The following GABRR3 variants were observed in gnomAD, a reference collection of about 807,000 sequenced individuals.
The protein encoded by GABRR3 is gamma-aminobutyric acid receptor subunit rho-3.
A neutral mutation model predicts 43.2 loss-of-function variants in GABRR3; 29 were observed. The observed-to-expected ratio is 0.67, with a 90% CI of 0.50 to 0.92. GABRR3 has a LOEUF of 0.92. Ranked by LOEUF, GABRR3 falls within the 40% of genes least tolerant of loss-of-function variation. The probability of loss-of-function intolerance (pLI) is 0.00; values close to 1 mark genes in which losing one functional copy is unlikely to be tolerated. For missense variants in GABRR3, 576 were observed against 572.3 expected (o/e 1.01, Z -0.07); for synonymous variants, 206 against 195.9 (o/e 1.05, Z -0.43).
intron 8 of GABRR3, among the ~76,000 whole-genome samples, chr3:97,995,551 C>T (rs1040636856): frequency 6.6e-6 from 1 of 151,368 alleles, no homozygotes; most frequent in Non-Finnish European, 1.5e-5. Context: ...TTGACAATAG[C>T]CTTATTTATT....
In GABRR3 at chr3:98,023,411, C is replaced by T. The variant is rs1456255282; in HGVS notation, c.238+2156G>A. ...CCAGTTTCAAGCCATTCCTGTGTGACTGGCGCCCCCTGGTGGCCGAAAACC... is the reference window on the plus strand; with the variant it reads ...CCAGTTTCAAGCCATTCCTGTGTGATTGGCGCCCCCTGGTGGCCGAAAACC... On this transcript the variant is annotated intron_variant, in intron 3 of 9. Transcript: ENST00000621172. Among the ~76,000 whole-genome samples, 3 of 152,280 alleles carry T rather than the reference C, an allele frequency of 2.0e-5. No individual in the cohort carries two copies. In the East Asian group the frequency reaches 5.8e-4, roughly 29 times the overall value.
At chr3:98,001,180 G>A (rs1209278719) in intron 8 of GABRR3, 1 of 154,318 alleles carries the variant, frequency 6.5e-6, no homozygotes, top group East Asian at 1.9e-4. Context: ...AACCCACCAA[G>A]GTAATTTGTT....
In GABRR3 at chr3:98,027,616, T is replaced by C. The variant is rs553537148; in HGVS notation, c.126-1937A>G. On this transcript the variant is annotated intron_variant, in intron 2 of 9. Transcript: ENST00000621172. ...GAAAGCACCTGCACCTGTTCTAACT[T>C]GAGGGCTCTTCAGGTGCACAATGAG... is the stretch of plus-strand genomic sequence containing the variant. Among the ~76,000 whole-genome samples the C allele has an allele frequency of 1.9e-4, 29 of 152,394 alleles. No homozygotes were observed. In the South Asian group the frequency reaches 6.0e-3, roughly 32 times the overall value.
At chr3:97,999,356 G>A (rs1334766227) in intron 8 of GABRR3, 1 of 152,142 alleles carries the variant, frequency 6.6e-6, no homozygotes, top group Non-Finnish European at 1.5e-5. Flanking sequence ...CTACAGGTCT[G>A]TTGGCACATG....
At chr3:98,016,537 C>T (rs1706875354) in intron 4 of GABRR3, among the ~76,000 whole-genome samples, 1 of 152,100 alleles carries the variant, frequency 6.6e-6, no homozygotes, top group Non-Finnish European at 1.5e-5. Context: ...TTATAAACTG[C>T]CCAGCCTCAG....
intron 2 of GABRR3, among the ~76,000 whole-genome samples, chr3:98,032,722 G>C (rs1001900658): frequency 5.3e-5 from 8 of 152,086 alleles, no homozygotes; most frequent in African/African-American, 1.9e-4. Flanking sequence ...TATTCTGAAT[G>C]AAAACAACTA....
At chr3:98,011,451 A>T (rs749630703) in intron 5 of GABRR3, among the ~76,000 whole-genome samples, 1 of 152,168 alleles carries the variant, frequency 6.6e-6, no homozygotes, top group Non-Finnish European at 1.5e-5. Context: ...ACATTCCTTG[A>T]CTTATGACCA....
chr3:98,034,046 G>A (rs1559783420), intron 2 of GABRR3, among the ~76,000 whole-genome samples: 1 of 152,260 alleles, frequency 6.6e-6, no homozygotes, highest in Middle Eastern at 3.4e-3. Flanking sequence ...CCCATTGGCT[G>A]CCAGTGTTGA....
intron 4 of GABRR3, among the ~76,000 whole-genome samples, chr3:98,014,086 A>G (rs1268815403): frequency 6.6e-6 from 1 of 152,166 alleles, no homozygotes; most frequent in Non-Finnish European, 1.5e-5. Context: ...CAACAAAAAA[A>G]CCAACACTAG....
intron 4 of GABRR3, among the ~76,000 whole-genome samples, chr3:98,016,019 T>G (rs931888743): frequency 6.6e-6 from 1 of 152,138 alleles, no homozygotes; most frequent in Non-Finnish European, 1.5e-5. Context: ...AAGCACCTTC[T>G]TCACAGGGCA....
At chr3:97,986,567 G>T (rs1399637811), downstream of GABRR3, 10 of 675,760 alleles carry the variant, frequency 1.5e-5, no homozygotes, top group Non-Finnish European at 2.2e-5. Context: ...TTTCATTAGG[G>T]CAGGAGAGGT....
At chr3:98,013,521 C>T (rs1218240642) in intron 4 of GABRR3, among the ~76,000 whole-genome samples, 1 of 152,128 alleles carries the variant, frequency 6.6e-6, no homozygotes, top group East Asian at 1.9e-4. Flanking sequence ...TTGCTTACTT[C>T]TTACTATCTT....
chr3:98,014,843 C>A (rs1217613222), intron 4 of GABRR3, among the ~76,000 whole-genome samples: 4 of 152,106 alleles, frequency 2.6e-5, no homozygotes, highest in South Asian at 2.1e-4. Context: ...CAACAGATCC[C>A]TGTTTGTTCA....
In GABRR3 at chr3:97,992,836, C is replaced by A. The variant is rs758744924; in HGVS notation, c.1104+16G>T. The A allele has an allele frequency of 2.5e-6, 4 of 1,573,540 alleles. No individual in the cohort carries two copies. Among genetic ancestry groups the A allele is most frequent in the South Asian group, 1.2e-5 (1 of 82,064 alleles). On this transcript the variant is annotated intron_variant, in intron 9 of 9. Transcript: ENST00000621172. ...CACATTCCCCAAGGGATCTGATAGT[C>A]AGAGCAAGGCTGTACCTTTCCTGTC...
At chr3:97,996,202 A>G (rs1198631093) in intron 8 of GABRR3, among the ~76,000 whole-genome samples, 2 of 152,096 alleles carry the variant, frequency 1.3e-5, no homozygotes, top group East Asian at 3.9e-4. Context: ...GTTCTTTTGA[A>G]GGGAGGGGGT....
Position 98,007,880 on chromosome 3 carries a change from A to G in GABRR3, c.638T>C (p.Met213Thr), listed in dbSNP as rs190574396. The G allele has an allele frequency of 5.3e-5, 84 of 1,591,374 alleles. 1 individual carries two copies. In the East Asian group the frequency reaches 1.6e-3, roughly 31 times the overall value. Residue 213 changes from methionine (M) to threonine (T), a missense_variant, in exon 7 of 10, where the codon ATG (methionine) becomes ACG (threonine). Met to Thr is a moderately conservative substitution (Grantham distance 81). Coordinates refer to ENST00000621172, the Ensembl canonical transcript of GABRR3. ...CTTGTTTCCGTGTTTCCAGTATAGC[A>G]TTAGGTCATCCTCATTGTAGGCATC...
intron 8 of GABRR3, chr3:97,997,868 G>A (rs1255101445): frequency 6.6e-6 from 1 of 152,098 alleles, no homozygotes; most frequent in Non-Finnish European, 1.5e-5. Context: ...TATTGAGAAA[G>A]TTTCAACATT....
chr3:97,992,904 A>C, exon 9 of GABRR3: 1 of 1,613,440 alleles, frequency 6.2e-7, no homozygotes, highest in Non-Finnish European at 8.5e-7. Flanking sequence ...GAGGTAGTTC[A>C]CAGCTGCATA....
In GABRR3 at chr3:98,020,240, A is replaced by C. The variant is rs62263060; in HGVS notation, c.239-2518T>G. Among the ~76,000 whole-genome samples, 791 of 152,304 alleles carry C rather than the reference A, an allele frequency of 5.2e-3. 3 individuals are homozygous for C. Among genetic ancestry groups the C allele is most frequent in the Admixed American group, 0.011 (174 of 15,294 alleles). On this transcript the variant is annotated intron_variant, in intron 3 of 9. Coordinates refer to ENST00000621172, the Ensembl canonical transcript of GABRR3. ...GAGAGTAAGTAATGTCTCTAAGCTC[A>C]GTTTACCTGATTTATAAAATTTGTC...
Sources: gnomAD v4.1 joint callset for allele counts (sites outside exome capture counted in the v4.1 genomes callset) on GRCh38, gnomAD v4.1.1 for gene constraint, MANE v1.5 for transcripts, NCBI Gene and HGNC (gene_info 2026-07-23, HGNC 2026-07-21) for gene names.